Variants in BANK1 observed in about 807,000 individuals in gnomAD.
The protein encoded by BANK1 is B-cell scaffold protein with ankyrin repeats.
BANK1 carries 95 observed loss-of-function variants against 94.5 expected under a neutral mutation model. The ratio of observed to expected loss-of-function variants is 1.00; its 90% CI spans 0.85 to 1.19. The LOEUF is 1.19. Ranked by LOEUF, BANK1 falls within the 50% of genes most tolerant of loss-of-function variation. The pLI is 0.00. For missense variants in BANK1, 987 were observed against 932.2 expected (o/e 1.06, Z -0.77); for synonymous variants, 334 against 308.4 (o/e 1.08, Z -0.87).
intron 6 of BANK1, among the ~76,000 whole-genome samples, chr4:101,907,784 A>G (rs926903755): frequency 5.9e-5 from 9 of 152,232 alleles, no homozygotes; most frequent in East Asian, 3.8e-4. Context: ...GAGCAAAATC[A>G]TGAGTGAACT....
At chr4:102,040,690 C>A (rs1336712562) in intron 10 of BANK1, among the ~76,000 whole-genome samples, 2 of 152,000 alleles carry the variant, frequency 1.3e-5, no homozygotes, top group African/African-American at 4.8e-5. Context: ...TCTAAGCCCC[C>A]CAGGTTATAA....
At position 101,886,156 on chromosome 4, in the gene BANK1, C is replaced by A. The variant is rs571066551; in HGVS notation, c.904-9149C>A. Among the ~76,000 whole-genome samples, 7 of 152,328 alleles carry A rather than the reference C, an allele frequency of 4.6e-5. No homozygotes were observed. In the East Asian group the frequency reaches 1.3e-3, roughly 29 times the overall value. On this transcript the variant is annotated intron_variant, in intron 5 of 16. Coordinates refer to ENST00000322953, the MANE Select transcript of BANK1 (RefSeq NM_017935.5). ...CTCCAGGACCAAGGGTACTGTAAGACACATGGCTGCTCAATAAATATTTTG... is the reference window on the plus strand; with the variant it reads ...CTCCAGGACCAAGGGTACTGTAAGAAACATGGCTGCTCAATAAATATTTTG...
chr4:101,892,939 T>C (rs1721930097), intron 5 of BANK1, among the ~76,000 whole-genome samples: 1 of 152,048 alleles, frequency 6.6e-6, no homozygotes, highest in Non-Finnish European at 1.5e-5. Context: ...TGGAATTATT[T>C]TTCATAGCCA....
At chr4:102,038,878 C>G (rs967329328) in intron 10 of BANK1, among the ~76,000 whole-genome samples, 3 of 152,124 alleles carry the variant, frequency 2.0e-5, no homozygotes, top group Non-Finnish European at 4.4e-5. Context: ...GATAACACTT[C>G]TATCAAACCA....
intron 6 of BANK1, among the ~76,000 whole-genome samples, chr4:101,902,057 G>A (rs1158938941): frequency 6.6e-6 from 1 of 152,144 alleles, no homozygotes; most frequent in East Asian, 1.9e-4. Context: ...ACCACGCCTG[G>A]CCCATCTCCA....
intron 1 of BANK1, among the ~76,000 whole-genome samples, chr4:101,800,386 C>T (rs1484333601): frequency 6.6e-6 from 1 of 151,768 alleles, no homozygotes; most frequent in Non-Finnish European, 1.5e-5. Context: ...TCTCCTCTTT[C>T]CTTTTTTCTT....
chr4:101,799,253 T>G (rs1393386510), intron 1 of BANK1, among the ~76,000 whole-genome samples: 2 of 152,210 alleles, frequency 1.3e-5, no homozygotes. Context: ...GTCAGGTTTG[T>G]CAAAGATGAG....
At chr4:101,944,064 GAC>G (rs1176066554) in intron 7 of BANK1, among the ~76,000 whole-genome samples, 115 of 151,170 alleles carry the variant, frequency 7.6e-4, no homozygotes, top group East Asian at 1.8e-3. Context: ...GAGAGAGAGA[GAC>G]AGACAGACAG....
intron 7 of BANK1, among the ~76,000 whole-genome samples, chr4:102,014,452 A>G (rs532308058): frequency 2.0e-5 from 3 of 152,178 alleles, no homozygotes; most frequent in Admixed American, 6.5e-5. Flanking sequence ...TATTGGAACC[A>G]GATTCAGAAA....
chr4:102,071,140 T>C (rs1728745969), intron 13 of BANK1, 135 bp from the exon 14 acceptor site: 2 of 1,009,324 alleles, frequency 2.0e-6, no homozygotes, highest in Non-Finnish European at 1.5e-6. Context: ...GGGGTTGATA[T>C]TTTTAGATCA....
intron 11 of BANK1, among the ~76,000 whole-genome samples, chr4:102,054,384 T>A (rs1323399280): frequency 2.0e-5 from 3 of 152,096 alleles, no homozygotes; most frequent in Non-Finnish European, 4.4e-5. Context: ...CTTTAACTCT[T>A]GCAACAACTC....
intron 7 of BANK1, among the ~76,000 whole-genome samples, chr4:101,953,977 G>T (rs1169509730): frequency 6.6e-6 from 1 of 152,084 alleles, no homozygotes; most frequent in African/African-American, 2.4e-5. Context: ...CAGGCTAGAA[G>T]TCTGAAATCA....
Position 102,030,010 on chromosome 4 carries a change from G to T in BANK1, c.1645G>T (p.Gly549Cys), listed in dbSNP as rs1727234073. 6.2e-7 allele frequency: 1 copy of T among 1,613,130 alleles called. No individual in the cohort carries two copies. Among genetic ancestry groups the T allele is most frequent in the African/African-American group, 1.3e-5 (1 of 74,844 alleles). ...MERSQNWGHP[G>C]VRQETGDEPK... ...AAGAAGTCAAAACTGGGGTCATCCT[G>T]GTGTTAGACAAGAAACAGGAGATGA... The change falls in exon 10 of 17, where the codon GGT (glycine) becomes TGT (cysteine). Residue 549 changes from glycine to cysteine, a missense_variant. Transcript: ENST00000322953.
chr4:101,908,991 C>T (rs924652067), intron 6 of BANK1, among the ~76,000 whole-genome samples: 2 of 152,216 alleles, frequency 1.3e-5, no homozygotes, highest in Non-Finnish European at 2.9e-5. Flanking sequence ...TTGTGGAAGA[C>T]AGTGTGGTGA....
intron 6 of BANK1, among the ~76,000 whole-genome samples, chr4:101,912,771 G>T (rs1270697398): frequency 1.3e-5 from 2 of 151,698 alleles, no homozygotes; most frequent in African/African-American, 4.8e-5. Context: ...TGCTTCCAAA[G>T]GCGTCTTAAG....
At chr4:102,039,045 C>T (rs1578472852) in intron 10 of BANK1, among the ~76,000 whole-genome samples, 1 of 152,170 alleles carries the variant, frequency 6.6e-6, no homozygotes, top group Admixed American at 6.5e-5. Flanking sequence ...AATAGTAAGC[C>T]GTAACCCAAG....
intron 10 of BANK1, chr4:102,032,255 T>C (rs1428041703): frequency 6.6e-6 from 1 of 152,210 alleles, no homozygotes. Context: ...AGGACAAGAA[T>C]GGAATCCCAT....
At chr4:102,046,531 C>G (rs1727884170) in intron 11 of BANK1, among the ~76,000 whole-genome samples, 1 of 152,058 alleles carries the variant, frequency 6.6e-6, no homozygotes, top group African/African-American at 2.4e-5. Context: ...CCTCTGGAAC[C>G]TAACTTGGTA....
intron 7 of BANK1, among the ~76,000 whole-genome samples, chr4:101,925,291 T>G (rs931283911): frequency 4.0e-5 from 6 of 151,774 alleles, no homozygotes; most frequent in Non-Finnish European, 2.9e-5. Context: ...AATTTAGATA[T>G]AACAGCTATA....
Sources: allele counts gnomAD v4.1 joint callset (sites outside exome capture counted in the v4.1 genomes callset), GRCh38; gene constraint gnomAD v4.1.1; transcripts MANE v1.5; gene names NCBI Gene and HGNC (gene_info 2026-07-23, HGNC 2026-07-21).